Variants in CUX2 observed in about 807,000 individuals in gnomAD.
CUX2 encodes homeobox protein cut-like 2.
CUX2 carries 40 observed loss-of-function variants against 144.8 expected under a neutral mutation model. The ratio of observed to expected loss-of-function variants is 0.28; its 90% confidence interval spans 0.21 to 0.36. The LOEUF is 0.36. Ranked by LOEUF, CUX2 falls within the 10% of genes least tolerant of loss-of-function variation. The pLI, the probability that CUX2 is intolerant of heterozygous loss-of-function variation, is 1.00. For synonymous variants in CUX2, 827 were observed against 875.6 expected (o/e 0.94, Z 0.98); for missense variants, 1,615 against 1,994.0 (o/e 0.81, Z 3.62).
rs892514467 is a variant in CUX2 at position 111,295,148 on chromosome 12, C to A, written c.561-185C>A. Among the ~76,000 whole-genome samples, 13 of 152,166 alleles carry A rather than the reference C, an allele frequency of 8.5e-5. No homozygotes were observed. The highest frequency in any genetic ancestry group is 1.2e-4 in the African/African-American group (5 of 41,424). ...TAACAGGAGCAGCCATGACAGGGTC[C>A]ACATAGGCAGTGGAGCAGCAGGACA... On this transcript the variant is annotated intron_variant, in intron 6 of 21. Transcript: ENST00000261726. The surrounding 1 kb of genome is among the most constrained non-coding windows in gnomAD (Gnocchi z 5.0).
At chr12:111,181,419 AT>A (rs764382230) in intron 1 of CUX2, among the ~76,000 whole-genome samples, 2 of 152,188 alleles carry the variant, frequency 1.3e-5, no homozygotes, top group Non-Finnish European at 2.9e-5. Flanking sequence ...GACTCTCCTG[AT>A]TGGGCGATTG....
intron 4 of CUX2, 92 bp from the exon 5 acceptor site, chr12:111,291,326 G>T: frequency 6.9e-7 from 1 of 1,443,896 alleles, no homozygotes; most frequent in Non-Finnish European, 9.2e-7. Flanking sequence ...GACTCCGATG[G>T]CTCCTGTGGA....
At chr12:111,245,611 C>G (rs187017730) in intron 3 of CUX2, among the ~76,000 whole-genome samples, 14 of 152,158 alleles carry the variant, frequency 9.2e-5, no homozygotes, top group African/African-American at 3.4e-4. Flanking sequence ...CAGAGCGAGA[C>G]CCTGTCTCAA....
At chr12:111,108,667 A>T (rs1468658560) in intron 1 of CUX2, among the ~76,000 whole-genome samples, 2 of 76,244 alleles carry the variant, frequency 2.6e-5, no homozygotes, top group Admixed American at 1.6e-4. Context: ...CCCCCACCCC[A>T]TCTCCCCTCT....
intron 1 of CUX2, among the ~76,000 whole-genome samples, chr12:111,103,407 A>T (rs1873390371): frequency 6.6e-6 from 1 of 152,218 alleles, no homozygotes; most frequent in African/African-American, 2.4e-5. Flanking sequence ...GGAAACTGAG[A>T]TGCTATCTCT....
rs749452102 is a variant in CUX2 at position 111,348,041 on chromosome 12, G to A, written c.4177G>A (p.Val1393Met). ...AGAGTCCTCACGCTGCAGCCTGGAGGTGTCACTGAACTCGCCCTCGGCCGC... is the reference window on the plus strand; with the variant it reads ...AGAGTCCTCACGCTGCAGCCTGGAGATGTCACTGAACTCGCCCTCGGCCGC... ...ASESSRCSLE[V>M]SLNSPSAASS... is the part of the protein sequence containing the mutation. Residue 1393 changes from valine (V) to methionine (M), a missense_variant, in exon 22 of 22, where the codon GTG becomes ATG. Physicochemically the swap from Val to Met is conservative, Grantham distance 21. Transcript: ENST00000261726. 8.7e-6 allele frequency: 14 copies of A among 1,614,090 alleles called. No homozygotes were observed. Among genetic ancestry groups the A allele is most frequent in the Non-Finnish European group, 1.2e-5 (14 of 1,180,020 alleles).
intron 1 of CUX2, among the ~76,000 whole-genome samples, chr12:111,091,593 A>G (rs908464772): frequency 7.2e-5 from 11 of 152,172 alleles, no homozygotes; most frequent in Admixed American, 5.2e-4. Flanking sequence ...TGCACTTTTT[A>G]TAGAAGAACG....
rs140019440 is a variant in CUX2 at position 111,062,379 on chromosome 12, CATTTTATGGCAG to C, written c.63+28142_63+28153del. On this transcript the variant is annotated intron_variant, in intron 1 of 21. Coordinates refer to ENST00000261726, the MANE Select transcript of CUX2 (RefSeq NM_015267.4). Reference sequence around the variant, plus strand: ...TCCGGGGCTTGTACTATGAACATTGCATTTTATGGCAGATAAAATGATGTCATGTAAAAAAAG... The same window carrying C: ...TCCGGGGCTTGTACTATGAACATTGCATAAAATGATGTCATGTAAAAAAAG... Among the ~76,000 whole-genome samples, 664 of 152,304 alleles carry C rather than the reference CATTTTATGGCAG, an allele frequency of 4.4e-3. 4 individuals are homozygous for C. Among genetic ancestry groups the C allele is most frequent in the African/African-American group, 0.015 (626 of 41,560 alleles).
intron 3 of CUX2, among the ~76,000 whole-genome samples, chr12:111,228,351 T>A (rs1044099817): frequency 6.6e-6 from 1 of 152,034 alleles, no homozygotes; most frequent in African/African-American, 2.4e-5. Context: ...ACCATGCAAG[T>A]CCCCCTGCAT....
chr12:111,216,457 A>G (rs985472364), intron 2 of CUX2, among the ~76,000 whole-genome samples: 1 of 152,204 alleles, frequency 6.6e-6, no homozygotes, highest in African/African-American at 2.4e-5. Flanking sequence ...TGGGTTGCCA[A>G]TATTTAGCAT....
chr12:111,320,501 C>G lies in CUX2; in HGVS notation c.2492C>G (p.Pro831Arg). The G allele has an allele frequency of 1.3e-6, 2 of 1,582,406 alleles. No homozygotes were observed. The highest frequency in any genetic ancestry group is 1.7e-6 in the Non-Finnish European group (2 of 1,169,802). ...GRAWPRGDEA[P>R]VPPEDEAAAG... ...GCCTGGCCCCGCGGGGACGAGGCCC[C>G]TGTGCCCCCCGAGGACGAGGCGGCG... Residue 831 changes from proline (P) to arginine (R), a missense_variant, in exon 17 of 22, where the codon CCT (proline) becomes CGT (arginine). Coordinates refer to ENST00000261726, the MANE Select transcript of CUX2 (RefSeq NM_015267.4). The surrounding 1 kb of genome is among the most constrained non-coding windows in gnomAD (Gnocchi z 8.1).
intron 1 of CUX2, among the ~76,000 whole-genome samples, chr12:111,101,260 G>T (rs1465004567): frequency 6.6e-6 from 1 of 152,110 alleles, no homozygotes; most frequent in East Asian, 1.9e-4. Context: ...CAGGAAGGCT[G>T]CCCTGAGCTG....
chr12:111,306,940 T>C lies in CUX2; in HGVS notation c.878T>C (p.Leu293Pro). Residue 293 changes from leucine to proline, a missense_variant, in exon 11 of 22, where the codon CTG becomes CCG. By Grantham distance (98) the Leu-to-Pro change is moderately conservative. Coordinates refer to ENST00000261726, the MANE Select transcript of CUX2 (RefSeq NM_015267.4). ...CTGCAGGATAAGGTGAACTTCACTC[T>C]GTGCTCGGGCCCTCGGCTGGAGGCC... ...GPSGDKVNFT[L>P]CSGPRLEAAL... 6.2e-7 allele frequency: 1 copy of C among 1,608,198 alleles called. No homozygotes were observed. Among genetic ancestry groups the C allele is most frequent in the South Asian group, 1.1e-5 (1 of 90,532 alleles).
chr12:111,116,938 G>T (rs143799513), intron 1 of CUX2, among the ~76,000 whole-genome samples: 1 of 152,218 alleles, frequency 6.6e-6, no homozygotes, highest in African/African-American at 2.4e-5. Context: ...CACGGACTGT[G>T]ACTGGCCTGA....
In CUX2 at chr12:111,268,650, C is replaced by T. The variant is rs557079830; in HGVS notation, c.301+4811C>T. On this transcript the variant is annotated intron_variant, in intron 4 of 21. Coordinates refer to ENST00000261726, the MANE Select transcript of CUX2 (RefSeq NM_015267.4). Reference sequence around the variant, plus strand: ...GCTATGGCACGAGGCCGAGACAGCCCATGTGTCTGCAGCTGGGGTCATTAT... The same window carrying T: ...GCTATGGCACGAGGCCGAGACAGCCTATGTGTCTGCAGCTGGGGTCATTAT... 5.9e-5 allele frequency among the ~76,000 whole-genome samples: 9 copies of T among 152,382 alleles called. No individual in the cohort carries two copies. The South Asian group carries it at 1.9e-3, about 32-fold the overall frequency.
At chr12:111,336,218 T>C (rs1315586840) in intron 19 of CUX2, among the ~76,000 whole-genome samples, 1 of 152,234 alleles carries the variant, frequency 6.6e-6, no homozygotes, top group Non-Finnish European at 1.5e-5. Context: ...TTTCCCTTTT[T>C]GGGACACAAA....
At chr12:111,103,169 G>C (rs1271005408) in intron 1 of CUX2, among the ~76,000 whole-genome samples, 1 of 152,166 alleles carries the variant, frequency 6.6e-6, no homozygotes, top group Non-Finnish European at 1.5e-5. Flanking sequence ...AAAAGGTCTG[G>C]TGTATAGTAG....
chr12:111,052,765 G>T (rs562919491), intron 1 of CUX2, among the ~76,000 whole-genome samples: 1 of 152,320 alleles, frequency 6.6e-6, no homozygotes, highest in South Asian at 2.1e-4. Flanking sequence ...GTGTGCTCAT[G>T]CTCCCAGGCA....
chr12:111,231,811 A>G lies in CUX2; in HGVS notation c.222+13874A>G, dbSNP rs1029056778. Among the ~76,000 whole-genome samples the G allele has an allele frequency of 4.6e-5, 7 of 152,230 alleles. No homozygotes were observed. In the South Asian group the frequency reaches 1.4e-3, roughly 31 times the overall value. On this transcript the variant is annotated intron_variant, in intron 3 of 21. Coordinates refer to ENST00000261726, the MANE Select transcript of CUX2 (RefSeq NM_015267.4). ...ATCATAAGTCATCTAGAGATGATTT[A>G]AAGTATACAGGAGGGGCCAGGTGCA...
Sources: allele counts gnomAD v4.1 joint callset (sites outside exome capture counted in the v4.1 genomes callset), GRCh38; gene constraint gnomAD v4.1.1; non-coding constraint Gnocchi (gnomAD v3.1); transcripts MANE v1.5; gene names NCBI Gene and HGNC (gene_info 2026-07-23, HGNC 2026-07-21).